The following KCND2 variants were observed in gnomAD, a reference collection of about 807,000 sequenced individuals.
KCND2 encodes the protein potassium voltage-gated channel subfamily D member 2, also known as A-type voltage-gated potassium channel KCND2.
Under a neutral mutation model 54.4 loss-of-function variants are expected in KCND2, and 16 were observed. The observed-to-expected ratio is 0.29, with a 90% CI of 0.20 to 0.45. The LOEUF (loss-of-function observed/expected upper bound fraction) is 0.45, where lower values mean the gene tolerates loss of function less well. KCND2 is among the 20% of genes least tolerant of loss of function. The pLI is 1.00. For synonymous variants in KCND2, 317 were observed against 310.7 expected (o/e 1.02, Z -0.21); for missense variants, 486 against 824.2 (o/e 0.59, Z 5.02).
At chr7:120,599,740 A>G (rs1449957285) in intron 1 of KCND2, among the ~76,000 whole-genome samples, 2 of 151,970 alleles carry the variant, frequency 1.3e-5, no homozygotes, top group African/African-American at 2.4e-5. Context: ...AAAATCATAA[A>G]TCTGTGAATA....
chr7:120,336,650 A>G (rs911821923), intron 1 of KCND2, among the ~76,000 whole-genome samples: 2 of 152,152 alleles, frequency 1.3e-5, no homozygotes, highest in Non-Finnish European at 2.9e-5. Context: ...GCATTATTCC[A>G]GTTCTTTGCT....
At chr7:120,738,105 G>A (rs1792896932) in intron 2 of KCND2, among the ~76,000 whole-genome samples, 1 of 151,912 alleles carries the variant, frequency 6.6e-6, no homozygotes, top group African/African-American at 2.4e-5. Flanking sequence ...AACCCATTGT[G>A]TTCCACTGCA....
intron 1 of KCND2, among the ~76,000 whole-genome samples, chr7:120,729,213 T>A (rs1038723486): frequency 7.2e-5 from 11 of 152,214 alleles, no homozygotes; most frequent in Non-Finnish European, 1.5e-4. Context: ...AGATAAAAAT[T>A]ACCCATTTCC....
intron 1 of KCND2, among the ~76,000 whole-genome samples, chr7:120,675,164 C>A (rs753945783): frequency 9.2e-5 from 14 of 152,102 alleles, no homozygotes; most frequent in Non-Finnish European, 7.4e-5. Context: ...TCTGTTCATA[C>A]TACTGCGGCT....
At chr7:120,546,858 G>A (rs557786304) in intron 1 of KCND2, among the ~76,000 whole-genome samples, 3 of 151,818 alleles carry the variant, frequency 2.0e-5, no homozygotes, top group East Asian at 3.9e-4. Flanking sequence ...CTGATATAAT[G>A]TGTATTTCAT....
At chr7:120,379,932 T>G (rs1418934012) in intron 1 of KCND2, among the ~76,000 whole-genome samples, 2 of 152,098 alleles carry the variant, frequency 1.3e-5, no homozygotes, top group Non-Finnish European at 2.9e-5. Flanking sequence ...TTATTAATAC[T>G]AATTATGATA....
chr7:120,505,351 C>T (rs865963076), intron 1 of KCND2, among the ~76,000 whole-genome samples: 4 of 151,530 alleles, frequency 2.6e-5, no homozygotes, highest in South Asian at 2.1e-4. Flanking sequence ...AAAAACAAGA[C>T]GGAGAAACAG....
chr7:120,350,927 A>T (rs1276779394), intron 1 of KCND2, among the ~76,000 whole-genome samples: 1 of 152,174 alleles, frequency 6.6e-6, no homozygotes, highest in African/African-American at 2.4e-5. Context: ...CTAAAGAAAA[A>T]TCTATCTTAA....
At chr7:120,456,140 A>T (rs1039577801) in intron 1 of KCND2, among the ~76,000 whole-genome samples, 60 of 152,336 alleles carry the variant, frequency 3.9e-4, no homozygotes, top group African/African-American at 1.4e-3. Flanking sequence ...TTTTCAACTT[A>T]GCTTTTATCT....
intron 1 of KCND2, among the ~76,000 whole-genome samples, chr7:120,495,385 G>A (rs1481415502): frequency 6.6e-6 from 1 of 151,592 alleles, no homozygotes; most frequent in African/African-American, 2.4e-5. Context: ...GCTCTTTGAT[G>A]AGACTTACTT....
intron 1 of KCND2, among the ~76,000 whole-genome samples, chr7:120,618,322 C>T (rs564921829): frequency 6.6e-6 from 1 of 152,260 alleles, no homozygotes; most frequent in East Asian, 1.9e-4. Flanking sequence ...ATATCAAAGA[C>T]TGTGTTCCCA....
At chr7:120,303,933 G>A (rs1799617396) in intron 1 of KCND2, among the ~76,000 whole-genome samples, 1 of 152,156 alleles carries the variant, frequency 6.6e-6, no homozygotes, top group Admixed American at 6.5e-5. Context: ...TTAGCCACGT[G>A]ACCAGCATAG....
intron 1 of KCND2, among the ~76,000 whole-genome samples, chr7:120,704,860 G>A (rs1346125742): frequency 2.6e-5 from 4 of 152,122 alleles, no homozygotes; most frequent in African/African-American, 9.7e-5. Context: ...AATAATGCAT[G>A]TAGAGCATAG....
chr7:120,609,705 C>T (rs140463413), intron 1 of KCND2, among the ~76,000 whole-genome samples: 3 of 152,222 alleles, frequency 2.0e-5, no homozygotes, highest in Admixed American at 6.5e-5. Flanking sequence ...TGTGCCTAAC[C>T]ACCAGATCTC....
At chr7:120,582,633 A>T (rs1792531631) in intron 1 of KCND2, among the ~76,000 whole-genome samples, 1 of 152,084 alleles carries the variant, frequency 6.6e-6, no homozygotes, top group Admixed American at 6.5e-5. Flanking sequence ...CCCATTCCAT[A>T]AAGTGGGCTT....
intron 1 of KCND2, among the ~76,000 whole-genome samples, chr7:120,569,905 G>A (rs192968066): frequency 4.7e-4 from 72 of 152,220 alleles, no homozygotes; most frequent in Non-Finnish European, 9.3e-4. Context: ...AGGGACAGGG[G>A]ATCTTTCGGA....
chr7:120,682,089 G>A (rs1414224425), intron 1 of KCND2, among the ~76,000 whole-genome samples: 3 of 151,946 alleles, frequency 2.0e-5, no homozygotes, highest in African/African-American at 7.2e-5. Context: ...CGAATACTGA[G>A]AGAACGTAAG....
chr7:120,566,169 A>T (rs1195248488), intron 1 of KCND2, among the ~76,000 whole-genome samples: 2 of 152,172 alleles, frequency 1.3e-5, no homozygotes. Flanking sequence ...ATAATATTTT[A>T]CCCTGAAATA....
chr7:120,675,639 C>T (rs1005211678), intron 1 of KCND2, among the ~76,000 whole-genome samples: 7 of 152,094 alleles, frequency 4.6e-5, no homozygotes, highest in African/African-American at 1.7e-4. Flanking sequence ...TTCCTGCTTG[C>T]TATAATACAT....
Sources: gnomAD v4.1 joint callset for allele counts (sites outside exome capture counted in the v4.1 genomes callset) on GRCh38, gnomAD v4.1.1 for gene constraint, MANE v1.5 for transcripts, NCBI Gene and HGNC (gene_info 2026-07-23, HGNC 2026-07-21) for gene names.